Variants in SLC13A3 observed in about 807,000 individuals in gnomAD.
SLC13A3 encodes the protein Na(+)/dicarboxylate cotransporter 3.
SLC13A3 carries 40 observed loss-of-function variants against 59.0 expected under a neutral mutation model. That is an observed-to-expected ratio of 0.68 (90% CI 0.53 to 0.88). The LOEUF (loss-of-function observed/expected upper bound fraction) is 0.88. Ranked by LOEUF, SLC13A3 falls within the 40% of genes least tolerant of loss-of-function variation. SLC13A3 has a pLI of 0.00. For missense variants in SLC13A3, 699 were observed against 783.2 expected (o/e 0.89, Z 1.28); for synonymous variants, 317 against 330.3 (o/e 0.96, Z 0.44).
intron 1 of SLC13A3, among the ~76,000 whole-genome samples, chr20:46,666,371 T>C (rs936506818): frequency 1.3e-5 from 2 of 152,228 alleles, no homozygotes; most frequent in Non-Finnish European, 2.9e-5. Context: ...ATTGGGCTCT[T>C]GCTGAGCCAG....
chr20:46,674,949 G>T (rs1214984876), upstream of SLC13A3, among the ~76,000 whole-genome samples: 1 of 152,126 alleles, frequency 6.6e-6, no homozygotes, highest in Non-Finnish European at 1.5e-5. Context: ...TGGGATGAGG[G>T]TGCTGTGGGG....
At chr20:46,678,172 G>A (rs1023981932) in intron 1 of SLC13A3, among the ~76,000 whole-genome samples, 3 of 152,162 alleles carry the variant, frequency 2.0e-5, no homozygotes, top group Admixed American at 2.0e-4. Context: ...ACTTTGGCCA[G>A]GCCTTGAATA....
At chr20:46,575,761 T>C in intron 9 of SLC13A3, 76 bp from the exon 10 acceptor site, 1 of 838,520 alleles carries the variant, frequency 1.2e-6, no homozygotes, top group Non-Finnish European at 1.8e-6. Context: ...CTGAGCCCCA[T>C]CTTACCGGGG....
chr20:46,638,109 T>C (rs1263681840), intron 1 of SLC13A3, among the ~76,000 whole-genome samples: 2 of 152,138 alleles, frequency 1.3e-5, no homozygotes, highest in African/African-American at 2.4e-5. Flanking sequence ...TCCCCAGGCC[T>C]GGATGTCCCA....
upstream of SLC13A3, among the ~76,000 whole-genome samples, chr20:46,655,865 T>G (rs1304477568): frequency 4.4e-5 from 6 of 137,486 alleles, no homozygotes; most frequent in Admixed American, 7.5e-5. Flanking sequence ...ATATATATAC[T>G]GTACAGTATA....
intron 3 of SLC13A3, among the ~76,000 whole-genome samples, chr20:46,604,203 T>C (rs1356461530): frequency 1.3e-5 from 2 of 152,096 alleles, no homozygotes; most frequent in African/African-American, 2.4e-5. Context: ...TCTTGCTAAA[T>C]GAGTGACTGC....
intron 2 of SLC13A3, 78 bp from the exon 3 acceptor site, chr20:46,610,687 G>A: frequency 8.1e-7 from 1 of 1,235,620 alleles, no homozygotes; most frequent in Non-Finnish European, 1.1e-6. Context: ...TGCCATCCCT[G>A]AGGAATACAA....
intron 1 of SLC13A3, chr20:46,675,836 C>G (rs1389731810): frequency 6.6e-6 from 1 of 152,322 alleles, no homozygotes; most frequent in Non-Finnish European, 1.5e-5. Flanking sequence ...GAGGCAACTG[C>G]AGGGGTTCAG....
At chr20:46,633,296 C>A (rs959315706) in intron 1 of SLC13A3, among the ~76,000 whole-genome samples, 2 of 152,172 alleles carry the variant, frequency 1.3e-5, no homozygotes, top group Non-Finnish European at 2.9e-5. Flanking sequence ...TGGCATGAGA[C>A]CTCCACTTGG....
At chr20:46,607,686 G>A (rs1466045554) in intron 3 of SLC13A3, among the ~76,000 whole-genome samples, 1 of 152,174 alleles carries the variant, frequency 6.6e-6, no homozygotes, top group Non-Finnish European at 1.5e-5. Context: ...TCACAATGAG[G>A]GACTTGGCTT....
chr20:46,640,883 A>G (rs896163411), intron 1 of SLC13A3, among the ~76,000 whole-genome samples: 3 of 152,150 alleles, frequency 2.0e-5, no homozygotes. Context: ...GTCAGGAAAC[A>G]CGATCTTGCT....
At chr20:46,608,732 T>G in intron 3 of SLC13A3, 1 of 938,264 alleles carries the variant, frequency 1.1e-6, no homozygotes, top group South Asian at 2.2e-5. Flanking sequence ...AGATACGTAT[T>G]TAATTTAATT....
intron 1 of SLC13A3, among the ~76,000 whole-genome samples, chr20:46,665,708 T>A (rs551555398): frequency 6.6e-6 from 1 of 152,352 alleles, no homozygotes; most frequent in Admixed American, 6.5e-5. Flanking sequence ...CCTTGACCTT[T>A]AGTGTACAAG....
rs534267393 is a variant in SLC13A3, at chr20:46,569,787, TG to T, written c.1333-3398del. Among the ~76,000 whole-genome samples the T allele has an allele frequency of 6.6e-5, 10 of 152,172 alleles. No individual in the cohort carries two copies. The South Asian group carries it at 8.3e-4, about 13-fold the overall frequency. ...CTTGCAAAAATGGGAGGTGGGGAGA[TG>T]GAGTTGGTACAGTGATGTTTCCCTC... On this transcript the variant is annotated intron_variant, in intron 10 of 12. Coordinates refer to ENST00000279027, the MANE Select transcript of SLC13A3 (RefSeq NM_022829.6).
At chr20:46,600,311 G>GGGA (rs1568929894) in intron 3 of SLC13A3, among the ~76,000 whole-genome samples, 1 of 87,652 alleles carries the variant, frequency 1.1e-5, no homozygotes, top group Non-Finnish European at 2.3e-5. Context: ...AAGAAAGAAA[G>GGGA]AGGGAAGGAA....
At chr20:46,644,307 GA>G (rs2062873454) in intron 1 of SLC13A3, among the ~76,000 whole-genome samples, 1 of 152,078 alleles carries the variant, frequency 6.6e-6, no homozygotes, top group South Asian at 2.1e-4. Context: ...TCAAACATAT[GA>G]ACCCATTTCC....
intron 1 of SLC13A3, among the ~76,000 whole-genome samples, chr20:46,663,350 T>C (rs1025685407): frequency 2.6e-5 from 4 of 151,018 alleles, no homozygotes; most frequent in Non-Finnish European, 5.9e-5. Context: ...GAGGCTGAAG[T>C]GGGAGGATTG....
chr20:46,596,955 A>C (rs1442328124), intron 4 of SLC13A3, among the ~76,000 whole-genome samples: 1 of 152,168 alleles, frequency 6.6e-6, no homozygotes, highest in Non-Finnish European at 1.5e-5. Context: ...CGGGAGGCTG[A>C]GGCAGGAGGG....
chr20:46,605,397 A>G (rs2062428264), intron 3 of SLC13A3, among the ~76,000 whole-genome samples: 1 of 152,134 alleles, frequency 6.6e-6, no homozygotes. Context: ...CCAGTGGAGC[A>G]AAGTCCCCAG....
Sources: allele counts gnomAD v4.1 joint callset (sites outside exome capture counted in the v4.1 genomes callset), GRCh38; gene constraint gnomAD v4.1.1; transcripts MANE v1.5; gene names NCBI Gene and HGNC (gene_info 2026-07-23, HGNC 2026-07-21).